EHD4: variants seen among roughly 807,000 people sequenced by gnomAD.
EHD4 encodes EH domain containing 4.
Under a neutral mutation model 51.0 loss-of-function variants are expected in EHD4, and 37 were observed. The ratio of observed to expected loss-of-function variants is 0.73; its 90% CI spans 0.56 to 0.95. The LOEUF (loss-of-function observed/expected upper bound fraction) is 0.95. Ranked by LOEUF, EHD4 falls within the 40% of genes least tolerant of loss-of-function variation. The pLI, the probability that EHD4 is intolerant of heterozygous loss-of-function variation, is 0.00. For synonymous variants in EHD4, 297 were observed against 317.3 expected (o/e 0.94, Z 0.68); for missense variants, 632 against 733.1 (o/e 0.86, Z 1.59).
intron 3 of EHD4, among the ~76,000 whole-genome samples, chr15:41,935,168 C>T (rs1198146798): frequency 6.6e-6 from 1 of 152,236 alleles, no homozygotes; most frequent in African/African-American, 2.4e-5. Flanking sequence ...GGCAAACCCT[C>T]CATTCTTTAC....
chr15:41,919,471 C>T lies in EHD4; in HGVS notation c.663G>A (p.Leu221=). ...RGQDDKIRVV[L]NKADQVDTQQ... is the part of the protein sequence containing the mutation. The stretch of plus-strand genomic sequence containing the variant: ...GCGTGTCCACTTGGTCGGCCTTGTT[C>T]AGCACGACACGGATCTTGTCGTCCT... Residue 221 remains leucine, a synonymous_variant, in exon 4 of 6, where the codon CTG becomes CTA. Coordinates refer to ENST00000220325, the MANE Select transcript of EHD4 (RefSeq NM_139265.4). The T allele has an allele frequency of 6.4e-7, 1 of 1,566,356 alleles. No individual in the cohort carries two copies. The highest frequency in any genetic ancestry group is 1.2e-5 in the South Asian group (1 of 82,472).
chr15:41,913,394 G>C lies in EHD4; in HGVS notation c.925-3531C>G, dbSNP rs2067562477. Among the ~76,000 whole-genome samples the C allele has an allele frequency of 1.3e-5, 2 of 152,148 alleles. 1 individual carries two copies. Among genetic ancestry groups the C allele is most frequent in the South Asian group, 4.1e-4 (2 of 4,824 alleles). On this transcript the variant is annotated intron_variant, in intron 4 of 5. Transcript: ENST00000220325. ...CTTTATAATGAGAGAAAACTAATTG[G>C]GAAGAGGAGGAGTACGAAAGAGAAG...
At chr15:41,929,978 T>C (rs2067687984) in intron 3 of EHD4, among the ~76,000 whole-genome samples, 1 of 152,260 alleles carries the variant, frequency 6.6e-6, no homozygotes, top group Non-Finnish European at 1.5e-5. Context: ...TATCAAACAG[T>C]AAGTTTCATT....
At chr15:41,954,086 C>T in intron 1 of EHD4, 146 bp from the exon 2 acceptor site, 1 of 889,568 alleles carries the variant, frequency 1.1e-6, no homozygotes, top group Non-Finnish European at 1.7e-6. Context: ...TCCTCCTCTG[C>T]ATTTCTGTTG....
At chr15:41,919,680 G>A in intron 3 of EHD4, 58 bp from the exon 4 acceptor site, 2 of 1,458,900 alleles carry the variant, frequency 1.4e-6, no homozygotes, top group Non-Finnish European at 9.1e-7. Context: ...ACGTTTAATG[G>A]GCGGCTCAGG....
chr15:41,923,505 G>A (rs2067641300), intron 3 of EHD4, among the ~76,000 whole-genome samples: 1 of 152,190 alleles, frequency 6.6e-6, no homozygotes, highest in African/African-American at 2.4e-5. Flanking sequence ...TTCCTGTGTT[G>A]GAATGAAATA....
rs544550242 is a variant in EHD4 at position 41,935,178 on chromosome 15, C to A, written c.511+7889G>T. Among the ~76,000 whole-genome samples, 4 of 152,328 alleles carry A rather than the reference C, an allele frequency of 2.6e-5. No individual in the cohort carries two copies. In the East Asian group the frequency reaches 7.7e-4, roughly 29 times the overall value. On this transcript the variant is annotated intron_variant, in intron 3 of 5. Coordinates refer to ENST00000220325, the MANE Select transcript of EHD4 (RefSeq NM_139265.4). ...TGCCAGGCAAACCCTCCATTCTTTA[C>A]GTCCAGCCTAAATGCCACCTCCTCA...
At chr15:41,906,465 T>C (rs2067512777) in intron 5 of EHD4, among the ~76,000 whole-genome samples, 1 of 152,152 alleles carries the variant, frequency 6.6e-6, no homozygotes. Context: ...ACTCTTCAAT[T>C]GTCAGCATGA....
At chr15:41,933,048 A>G (rs1026524421) in intron 3 of EHD4, among the ~76,000 whole-genome samples, 3 of 152,212 alleles carry the variant, frequency 2.0e-5, no homozygotes, top group Admixed American at 6.5e-5. Context: ...AAATTCCCTC[A>G]CTTTATAAAA....
chr15:41,932,498 C>A (rs759009493), intron 3 of EHD4, among the ~76,000 whole-genome samples: 7 of 152,120 alleles, frequency 4.6e-5, no homozygotes, highest in Non-Finnish European at 1.0e-4. Context: ...TGCTTTGCAT[C>A]TCGATTTGGA....
In EHD4 at chr15:41,897,172, C is replaced by T. The variant is rs1188934796; in HGVS notation, c.*3473G>A. Reference sequence around the variant, plus strand: ...ACTCTTGTATTAGGCCCGCATTTACCTGAGTAAACTCAGTGGTTTTCTGTC... The same window carrying T: ...ACTCTTGTATTAGGCCCGCATTTACTTGAGTAAACTCAGTGGTTTTCTGTC... On this transcript the variant is annotated 3_prime_UTR_variant, in exon 6 of 6. Coordinates refer to ENST00000220325, the MANE Select transcript of EHD4 (RefSeq NM_139265.4). 1 of 152,230 alleles carries T rather than the reference C, an allele frequency of 6.6e-6. No individual in the cohort carries two copies. Among genetic ancestry groups the T allele is most frequent in the African/African-American group, 2.4e-5 (1 of 41,456 alleles). The allele number at this position is 152,230 out of a possible 1,614,324, so 9.4% of individuals were successfully genotyped here.
chr15:41,962,412 C>A (rs1355747140), intron 1 of EHD4, among the ~76,000 whole-genome samples: 2 of 151,800 alleles, frequency 1.3e-5, no homozygotes, highest in Non-Finnish European at 2.9e-5. Context: ...TAAGAATTTA[C>A]AAACAGAATA....
chr15:41,935,642 T>TG (rs1205215029), intron 3 of EHD4, among the ~76,000 whole-genome samples: 1 of 152,218 alleles, frequency 6.6e-6, no homozygotes, highest in Non-Finnish European at 1.5e-5. Context: ...TGCCCTGGTT[T>TG]GCATCCACGC....
chr15:41,929,120 T>C (rs2067682387), intron 3 of EHD4, among the ~76,000 whole-genome samples: 1 of 152,210 alleles, frequency 6.6e-6, no homozygotes, highest in East Asian at 1.9e-4. Flanking sequence ...CCACAGAACC[T>C]ACCAAAATTT....
chr15:41,946,084 A>G (rs965165625), intron 2 of EHD4, among the ~76,000 whole-genome samples: 11 of 152,324 alleles, frequency 7.2e-5, no homozygotes, highest in Admixed American at 1.3e-4. Flanking sequence ...CAGCTTATTG[A>G]AATGCTTCCA....
intron 3 of EHD4, among the ~76,000 whole-genome samples, chr15:41,923,612 C>T (rs559336940): frequency 1.3e-5 from 2 of 152,220 alleles, no homozygotes; most frequent in East Asian, 3.9e-4. Context: ...TGGAAGCTTC[C>T]CAGGTGATTG....
At chr15:41,906,984 C>T (rs1225212449) in intron 5 of EHD4, among the ~76,000 whole-genome samples, 1 of 152,226 alleles carries the variant, frequency 6.6e-6, no homozygotes, top group African/African-American at 2.4e-5. Flanking sequence ...ATCATGCTTT[C>T]CTTGTTGCCT....
rs1236248994 is a variant in EHD4, at chr15:41,972,451, G to C, written c.44C>G (p.Ala15Gly). ...MGRQAGGRER[A>G]GGADAVQTVT... The stretch of plus-strand genomic sequence containing the variant: ...CGTCTGCACCGCGTCCGCGCCGCCA[G>C]CGCGTTCGCGCCCGCCCGCCTGCCG... Residue 15 changes from alanine (A) to glycine (G), a missense_variant, in exon 1 of 6, where the codon GCT (alanine) becomes GGT (glycine). Coordinates refer to ENST00000220325, the MANE Select transcript of EHD4 (RefSeq NM_139265.4). The C allele has an allele frequency of 6.4e-7, 1 of 1,566,218 alleles. No individual in the cohort carries two copies. The highest frequency in any genetic ancestry group is 8.6e-7 in the Non-Finnish European group (1 of 1,159,340).
At chr15:41,906,080 C>G (rs1160466221) in intron 5 of EHD4, among the ~76,000 whole-genome samples, 2 of 152,210 alleles carry the variant, frequency 1.3e-5, no homozygotes, top group Non-Finnish European at 2.9e-5. Context: ...CAGTGAAACC[C>G]TATCTTCAAG....
Sources: allele counts gnomAD v4.1 joint callset (sites outside exome capture counted in the v4.1 genomes callset), GRCh38; gene constraint gnomAD v4.1.1; transcripts MANE v1.5; gene names NCBI Gene and HGNC (gene_info 2026-07-23, HGNC 2026-07-21).